Variants in VXN observed in about 807,000 individuals in gnomAD.
The protein encoded by VXN is vexin.
In VXN, 7 loss-of-function variants were observed where a neutral mutation model predicts 23.1. The ratio of observed to expected loss-of-function variants is 0.30; its 90% CI spans 0.17 to 0.57. The LOEUF is 0.57. VXN is among the 20% of genes least tolerant of loss of function. The pLI is 0.91. For missense variants in VXN, 238 were observed against 272.6 expected, an observed-to-expected ratio of 0.87 and a Z score of 0.89; for synonymous variants, 120 against 105.8, an observed-to-expected ratio of 1.13 and a Z score of -0.83.
chr8:66,515,804 G>A lies in VXN; in HGVS notation c.441-89G>A, dbSNP rs1214195263. On this transcript the variant is annotated intron_variant, in intron 5 of 5. Transcript: ENST00000305454. ...GGTCACTGAGGAGGAGCAGAGGAGA[G>A]AGAGCTCTGGCCACTCTTCTTAAGG... The A allele has an allele frequency of 3.5e-6, 4 of 1,154,326 alleles. No homozygotes were observed. The East Asian group carries it at 7.8e-5, about 22-fold the overall frequency. 71.5% of individuals were successfully genotyped at this position (1,154,326 alleles called of 1,614,324 possible). A position where few individuals can be genotyped will look rare whatever the true frequency, so the allele number is the denominator to read the frequency against.
chr8:66,515,933 C>G lies in VXN; in HGVS notation c.481C>G (p.Leu161Val), dbSNP rs1434638276. ...GAAGATGACTGAAGAGTATCCAGCCCTTCCCCAAGGAGCAGAAGCCTCTCT... is the reference window on the plus strand; with the variant it reads ...GAAGATGACTGAAGAGTATCCAGCCGTTCCCCAAGGAGCAGAAGCCTCTCT... The part of the protein sequence containing the change: ...LKKMTEEYPA[L>V]PQGAEASLPL... The change falls in exon 6 of 6, where the codon CTT (leucine) becomes GTT (valine). Residue 161 changes from leucine (L) to valine (V), a missense_variant. Physicochemically the swap from Leu to Val is conservative, Grantham distance 32. Around this residue, in one of 2 missense-constraint regions of VXN, gnomAD observed 223 missense variants for 236.9 expected, o/e 0.94. Coordinates refer to ENST00000305454, the MANE Select transcript of VXN (RefSeq NM_152765.4). The G allele has an allele frequency of 3.1e-6, 5 of 1,613,008 alleles. No homozygotes were observed. Among genetic ancestry groups the G allele is most frequent in the African/African-American group, 1.3e-5 (1 of 74,862 alleles).
At chr8:66,505,639 G>T (rs141705039) in intron 3 of VXN, 111 bp downstream of exon 3, 4 of 1,298,676 alleles carry the variant, frequency 3.1e-6, no homozygotes, top group Non-Finnish European at 4.0e-6. Context: ...GGCCTCAGTC[G>T]CGCCAGGTGA....
intron 2 of VXN, among the ~76,000 whole-genome samples, chr8:66,497,466 T>C (rs921115700): frequency 1.2e-4 from 18 of 152,246 alleles, no homozygotes; most frequent in African/African-American, 4.3e-4. Context: ...GCTTTCCTCT[T>C]TTTGTATTAT....
chr8:66,501,680 T>C (rs1256614126), intron 2 of VXN, among the ~76,000 whole-genome samples: 2 of 152,254 alleles, frequency 1.3e-5, no homozygotes, highest in East Asian at 3.9e-4. Flanking sequence ...CCCCTAACAG[T>C]TTAGCTTAGC....
chr8:66,504,734 C>A (rs1426170812), intron 2 of VXN, among the ~76,000 whole-genome samples: 1 of 152,154 alleles, frequency 6.6e-6, no homozygotes, highest in Non-Finnish European at 1.5e-5. Flanking sequence ...TGCACAGAAC[C>A]ACACACAGTG....
At chr8:66,510,911 T>C (rs1442180700) in intron 4 of VXN, among the ~76,000 whole-genome samples, 1 of 152,176 alleles carries the variant, frequency 6.6e-6, no homozygotes, top group Non-Finnish European at 1.5e-5. Flanking sequence ...GACTAGGGTT[T>C]CAACACCTTG....
intron 3 of VXN, 94 bp downstream of exon 3, chr8:66,505,622 T>A: frequency 7.3e-7 from 1 of 1,376,214 alleles, no homozygotes. Flanking sequence ...GCGTTGGCGG[T>A]GGCTGCGGCC....
intron 1 of VXN, 141 bp from the exon 2 acceptor site, chr8:66,496,296 C>A: frequency 1.4e-6 from 1 of 713,472 alleles, no homozygotes; most frequent in South Asian, 1.7e-5. Context: ...TCTTCAATCG[C>A]AACGACCCTG....
chr8:66,495,476 T>C (rs1807615735), intron 1 of VXN, among the ~76,000 whole-genome samples: 1 of 152,162 alleles, frequency 6.6e-6, no homozygotes, highest in Non-Finnish European at 1.5e-5. Context: ...AATGAGTAAA[T>C]ATATAAAGCA....
At chr8:66,512,802 A>G (rs736458) in intron 4 of VXN, among the ~76,000 whole-genome samples, 6,466 of 152,248 alleles carry the variant, frequency 0.042, 261 homozygotes, top group East Asian at 0.16. Flanking sequence ...AAGAGGAGAT[A>G]TTGCTGTGCC....
chr8:66,508,034 T>A (rs1193258322), intron 3 of VXN, among the ~76,000 whole-genome samples: 3 of 152,080 alleles, frequency 2.0e-5, no homozygotes, highest in Non-Finnish European at 4.4e-5. Context: ...CAGTCCCCAG[T>A]CCTGGGCCTG....
At chr8:66,513,416 T>C in intron 4 of VXN, 124 bp from the exon 5 acceptor site, 1 of 822,144 alleles carries the variant, frequency 1.2e-6, no homozygotes, top group East Asian at 2.5e-5. Flanking sequence ...ACCTGCTGAA[T>C]GATGAGGACT....
intron 5 of VXN, among the ~76,000 whole-genome samples, chr8:66,515,426 A>C (rs1375491026): frequency 6.6e-6 from 1 of 152,206 alleles, no homozygotes; most frequent in Admixed American, 6.5e-5. Context: ...GTTAGATGAG[A>C]TTATCCCCAT....
At chr8:66,501,714 G>A in intron 2 of VXN, among the ~76,000 whole-genome samples, 1 of 152,054 alleles carries the variant, frequency 6.6e-6, no homozygotes, top group Middle Eastern at 3.2e-3. Context: ...GTAAAACTCA[G>A]CCCCAGCCAC....
At chr8:66,510,253 T>C in intron 4 of VXN, 96 bp downstream of exon 4, 1 of 1,035,154 alleles carries the variant, frequency 9.7e-7, no homozygotes, top group Non-Finnish European at 1.4e-6. Context: ...TCAGTGTTCT[T>C]TGTTCCAGGC....
intron 2 of VXN, among the ~76,000 whole-genome samples, chr8:66,499,611 A>T (rs1019748576): frequency 6.6e-6 from 1 of 152,022 alleles, no homozygotes; most frequent in African/African-American, 2.4e-5. Flanking sequence ...GCTGGAGTGC[A>T]GTGGCACCAT....
intron 4 of VXN, among the ~76,000 whole-genome samples, chr8:66,511,792 C>T (rs1807826944): frequency 6.6e-6 from 1 of 152,000 alleles, no homozygotes; most frequent in South Asian, 2.1e-4. Flanking sequence ...AGAGGCCAGG[C>T]ACAGTGGCTC....
At chr8:66,510,194 G>A (rs192379475) in intron 4 of VXN, 37 bp downstream of exon 4, 1 of 1,530,052 alleles carries the variant, frequency 6.5e-7, no homozygotes, top group Non-Finnish European at 9.0e-7. Flanking sequence ...TATCTGTTGT[G>A]CATTAAACTT....
At chr8:66,493,773 G>T (rs973591442) in intron 1 of VXN, 55 bp downstream of exon 1, 1 of 1,451,750 alleles carries the variant, frequency 6.9e-7, no homozygotes, top group Non-Finnish European at 9.7e-7. Flanking sequence ...GGCAGGAGGG[G>T]AAGGACAGTC....
Sources: gnomAD v4.1 joint callset for allele counts (sites outside exome capture counted in the v4.1 genomes callset) on GRCh38, gnomAD v4.1.1 for gene constraint, gnomAD v4.1.1 regional missense constraint, MANE v1.5 for transcripts, NCBI Gene and HGNC (gene_info 2026-07-23, HGNC 2026-07-21) for gene names.